The following ACP7 variants were observed in gnomAD, a reference collection of about 807,000 sequenced individuals.
ACP7 encodes the protein acid phosphatase type 7.
Under a neutral mutation model 60.6 loss-of-function variants are expected in ACP7, and 58 were observed. The ratio of observed to expected loss-of-function variants is 0.96; its 90% CI spans 0.77 to 1.19. The LOEUF (loss-of-function observed/expected upper bound fraction) is 1.19. Ranked by LOEUF, ACP7 falls within the 50% of genes most tolerant of loss-of-function variation. ACP7 has a pLI of 0.00. For synonymous variants in ACP7, 237 were observed against 232.6 expected (o/e 1.02, Z -0.17); for missense variants, 574 against 596.2 (o/e 0.96, Z 0.39).
intron 2 of ACP7, among the ~76,000 whole-genome samples, chr19:39,092,399 T>C (rs917579763): frequency 6.6e-6 from 1 of 151,316 alleles, no homozygotes; most frequent in Non-Finnish European, 1.5e-5. Flanking sequence ...TATATAGCAG[T>C]TGCAGAATCA....
intron 12 of ACP7, 105 bp downstream of exon 12, chr19:39,107,189 G>T: frequency 1.7e-6 from 2 of 1,207,578 alleles, no homozygotes; most frequent in Non-Finnish European, 1.1e-6. Flanking sequence ...GCTCATGCCT[G>T]CAACACCTGC....
At position 39,099,034 on chromosome 19, in the gene ACP7, A is replaced by C; in HGVS notation, c.397A>C (p.Ser133Arg). The C allele has an allele frequency of 6.2e-7, 1 of 1,613,288 alleles. No individual in the cohort carries two copies. The highest frequency in any genetic ancestry group is 8.5e-7 in the Non-Finnish European group (1 of 1,179,744). Residue 133 changes from serine to arginine, a missense_variant, in exon 4 of 13, where the codon AGT (serine) becomes CGT (arginine). By Grantham distance (110) the Ser-to-Arg change is moderately radical. Coordinates refer to ENST00000331256, the MANE Select transcript of ACP7 (RefSeq NM_001004318.3). ...FRALKNGAHW[S>R]PRLAVFGDLG... ...GGCCCTCAAGAATGGGGCCCACTGG[A>C]GTCCCCGTCTGGCTGTGTTTGGAGA... is the stretch of plus-strand genomic sequence containing the variant.
intron 2 of ACP7, among the ~76,000 whole-genome samples, chr19:39,090,552 AGCTCATT>A (rs1342664909): frequency 6.6e-6 from 1 of 151,970 alleles, no homozygotes; most frequent in Non-Finnish European, 1.5e-5. Context: ...GCGCGATCTC[AGCTCATT>A]GCAACCCCTA....
intron 4 of ACP7, among the ~76,000 whole-genome samples, 186 bp from the exon 5 acceptor site, chr19:39,100,041 G>T (rs1418200878): frequency 1.3e-5 from 2 of 151,108 alleles, no homozygotes; most frequent in African/African-American, 4.9e-5. Flanking sequence ...CGGCACAGTG[G>T]CTCACACCTG....
At chr19:39,102,785 C>CCT (rs2073369079) in intron 11 of ACP7, among the ~76,000 whole-genome samples, 1 of 117,422 alleles carries the variant, frequency 8.5e-6, no homozygotes, top group African/African-American at 3.1e-5. Flanking sequence ...CTCTCTTTCT[C>CCT]TCTCTCTCTT....
chr19:39,099,181 G>C, intron 4 of ACP7, 39 bp downstream of exon 4: 1 of 1,479,206 alleles, frequency 6.8e-7, no homozygotes, highest in Non-Finnish European at 8.9e-7. Context: ...GACGGTGGGG[G>C]GCGCGCGCAG....
chr19:39,099,127 G>A lies in ACP7; in HGVS notation c.490G>A (p.Ala164Thr). 1 of 1,552,574 alleles carries A rather than the reference G, an allele frequency of 6.4e-7. No homozygotes were observed. The highest frequency in any genetic ancestry group is 8.7e-7 in the Non-Finnish European group (1 of 1,153,478). ...GGACACCCAGCAGGGCATGTATGAC[G>A]CCGTTCTCCATGTGGGTGAGGCATC... is the stretch of plus-strand genomic sequence containing the variant. ...RRDTQQGMYDAVLHVGDFAYN... is the reference protein window; with the variant it reads ...RRDTQQGMYDTVLHVGDFAYN... The change falls in exon 4 of 13, where the codon GCC becomes ACC. Residue 164 changes from alanine to threonine, a missense_variant. Physicochemically the swap from Ala to Thr is moderately conservative, Grantham distance 58 (BLOSUM62 0). Coordinates refer to ENST00000331256, the MANE Select transcript of ACP7 (RefSeq NM_001004318.3).
Position 39,099,155 on chromosome 19 carries a change from C to CAGGGGCGCGCGCAGGGACGGTG in ACP7, c.505+14_505+35dup. 1 of 1,499,316 alleles carries CAGGGGCGCGCGCAGGGACGGTG rather than the reference C, an allele frequency of 6.7e-7. No individual in the cohort carries two copies. The highest frequency in any genetic ancestry group is 8.8e-7 in the Non-Finnish European group (1 of 1,133,758). 92.9% of individuals were successfully genotyped at this position (1,499,316 alleles called of 1,614,324 possible). A position where few individuals can be genotyped will look rare whatever the true frequency, so the allele number is the denominator to read the frequency against. On this transcript the variant is annotated intron_variant, in intron 4 of 12. Transcript: ENST00000331256. ...GTTCTCCATGTGGGTGAGGCATCCG[C>CAGGGGCGCGCGCAGGGACGGTG]AGGGGCGCGCGCAGGGACGGTGGGG...
At position 39,110,157 on chromosome 19, in the gene ACP7, C is replaced by T. The variant is rs758022882; in HGVS notation, c.*39C>T. On this transcript the variant is annotated 3_prime_UTR_variant, in exon 13 of 13. Transcript: ENST00000331256. ...TCTCCTCCAGAAGCCTAGGTTTTGC[C>T]GCCTTGGCTGCTGTGACCAGAAACT... 15 of 1,584,230 alleles carry T rather than the reference C, an allele frequency of 9.5e-6. No individual in the cohort carries two copies. Among genetic ancestry groups the T allele is most frequent in the Middle Eastern group, 1.7e-4 (1 of 6,010 alleles).
chr19:39,107,172 C>T (rs773406423), intron 12 of ACP7, 88 bp downstream of exon 12: 29 of 1,345,350 alleles, frequency 2.2e-5, no homozygotes, highest in Admixed American at 1.4e-4. Flanking sequence ...CTCGGCCGGG[C>T]GCAGTGGCTC....
rs760713108 is a variant in ACP7, at chr19:39,110,108, T to C, written c.1307T>C (p.Met436Thr). The C allele has an allele frequency of 1.2e-6, 2 of 1,613,644 alleles. No individual in the cohort carries two copies. The highest frequency in any genetic ancestry group is 1.7e-6 in the Non-Finnish European group (2 of 1,179,552). Reference protein sequence around the residue: ...WVVRPLFGRRMYL With the variant: ...WVVRPLFGRRTYL The stretch of plus-strand genomic sequence containing the variant: ...GTGAGACCCCTGTTTGGCCGGAGGA[T>C]GTACCTCTAGGGATGGCGGCAGCTC... Residue 436 changes from methionine to threonine, a missense_variant, in exon 13 of 13, where the codon ATG becomes ACG. Transcript: ENST00000331256.
chr19:39,108,478 T>C (rs763495693), intron 12 of ACP7, among the ~76,000 whole-genome samples: 7 of 152,024 alleles, frequency 4.6e-5, no homozygotes, highest in Non-Finnish European at 8.8e-5. Context: ...TTCCCATCTG[T>C]GAGAGGGGAT....
At chr19:39,089,712 C>T (rs188868976) in intron 2 of ACP7, among the ~76,000 whole-genome samples, 49 of 152,318 alleles carry the variant, frequency 3.2e-4, no homozygotes, top group African/African-American at 1.1e-3. Context: ...TGCCGAGTAC[C>T]GATCAGCTAT....
intron 2 of ACP7, among the ~76,000 whole-genome samples, chr19:39,095,289 T>C (rs369181310): frequency 1.1e-4 from 16 of 152,304 alleles, no homozygotes; most frequent in African/African-American, 3.6e-4. Flanking sequence ...AGTTACTTCC[T>C]AGATACAATG....
chr19:39,105,261 C>T (rs691662), intron 11 of ACP7, among the ~76,000 whole-genome samples: 4,318 of 152,036 alleles, frequency 0.028, 208 homozygotes, highest in African/African-American at 0.1. Context: ...GTGATCTGCC[C>T]GCCTCGGCCT....
At position 39,107,050 on chromosome 19, in the gene ACP7, C is replaced by A. The variant is rs779691642; in HGVS notation, c.1217C>A (p.Thr406Asn). 4 of 1,614,030 alleles carry A rather than the reference C, an allele frequency of 2.5e-6. No homozygotes were observed. In the South Asian group the frequency reaches 4.4e-5, roughly 18 times the overall value. ...ACGCGGCTGCACATCCTCAACGGGA[C>A]CCACATCCACATCCAGCAGGTGTCG... ...GYTRLHILNG[T>N]HIHIQQVSDD... Residue 406 changes from threonine (T) to asparagine (N), a missense_variant, in exon 12 of 13, where the codon ACC becomes AAC. By Grantham distance (65) the Thr-to-Asn change is moderately conservative (BLOSUM62 0). Coordinates refer to ENST00000331256, the MANE Select transcript of ACP7 (RefSeq NM_001004318.3).
chr19:39,101,597 C>T (rs2073347039), intron 11 of ACP7, 60 bp downstream of exon 11: 11 of 1,544,358 alleles, frequency 7.1e-6, no homozygotes, highest in Non-Finnish European at 8.8e-6. Flanking sequence ...GGAGGGCTAA[C>T]TTTGTTCCAG....
intron 2 of ACP7, among the ~76,000 whole-genome samples, chr19:39,090,790 C>CTTTTTTT (rs35453957): frequency 1.5e-5 from 2 of 133,480 alleles, no homozygotes. Flanking sequence ...CTTCCCACTT[C>CTTTTTTT]TTTTTTTTTT....
intron 2 of ACP7, among the ~76,000 whole-genome samples, chr19:39,095,440 G>C (rs1029218272): frequency 6.6e-6 from 1 of 152,216 alleles, no homozygotes; most frequent in African/African-American, 2.4e-5. Context: ...TTTGACTTCA[G>C]GCCTCACATG....
Sources: allele counts gnomAD v4.1 joint callset (sites outside exome capture counted in the v4.1 genomes callset), GRCh38; gene constraint gnomAD v4.1.1; transcripts MANE v1.5; gene names NCBI Gene and HGNC (gene_info 2026-07-23, HGNC 2026-07-21).